CDC42BPA: variants seen among roughly 807,000 people sequenced by gnomAD.
The protein encoded by CDC42BPA is CDC42 binding protein kinase alpha.
Under a neutral mutation model 223.5 loss-of-function variants are expected in CDC42BPA, and 80 were observed. The ratio of observed to expected loss-of-function variants is 0.36; its 90% CI spans 0.30 to 0.43. The LOEUF (loss-of-function observed/expected upper bound fraction) is 0.43. Ranked by LOEUF, CDC42BPA falls within the 20% of genes least tolerant of loss-of-function variation. The pLI, the probability that CDC42BPA is intolerant of heterozygous loss-of-function variation, is 1.00. For missense variants in CDC42BPA, 1,743 were observed against 2,099.9 expected, an observed-to-expected ratio of 0.83 and a Z score of 3.32; for synonymous variants, 694 against 718.6, an observed-to-expected ratio of 0.97 and a Z score of 0.55.
At chr1:227,273,995 C>CAAA (rs10599884) in intron 1 of CDC42BPA, among the ~76,000 whole-genome samples, 1,995 of 56,996 alleles carry the variant, frequency 0.035, 225 homozygotes, top group Non-Finnish European at 0.051. Flanking sequence ...TCGTATACAC[C>CAAA]AAAAAAAAAA....
intron 32 of CDC42BPA, among the ~76,000 whole-genome samples, chr1:227,022,523 C>T (rs922254236): frequency 1.3e-5 from 2 of 152,134 alleles, no homozygotes; most frequent in Admixed American, 6.5e-5. Flanking sequence ...TTTACAAATA[C>T]TTCTATTATA....
At chr1:227,264,418 T>A (rs1424653598) in intron 1 of CDC42BPA, among the ~76,000 whole-genome samples, 2 of 151,354 alleles carry the variant, frequency 1.3e-5, no homozygotes, top group Non-Finnish European at 1.5e-5. Flanking sequence ...AGAAAAAGAT[T>A]CCAGGATCAG....
intron 21 of CDC42BPA, among the ~76,000 whole-genome samples, chr1:227,061,622 G>C (rs1261863744): frequency 6.6e-6 from 1 of 152,066 alleles, no homozygotes; most frequent in Non-Finnish European, 1.5e-5. Flanking sequence ...AGTATTTCTG[G>C]TTTGTCCTAT....
At chr1:227,280,760 T>C (rs1016509559) in intron 1 of CDC42BPA, among the ~76,000 whole-genome samples, 3 of 152,222 alleles carry the variant, frequency 2.0e-5, no homozygotes, top group African/African-American at 4.8e-5. Context: ...GATAAAAACT[T>C]ACAAATGGAC....
chr1:227,191,341 G>A (rs181287365), intron 5 of CDC42BPA, among the ~76,000 whole-genome samples: 1 of 47,398 alleles, frequency 2.1e-5, no homozygotes, highest in Admixed American at 1.6e-4. Flanking sequence ...GCAAAACTCT[G>A]TCTCAAAAAA....
chr1:227,215,209 G>C (rs11801282), intron 2 of CDC42BPA, among the ~76,000 whole-genome samples: 8,211 of 152,196 alleles, frequency 0.054, 244 homozygotes, highest in Non-Finnish European at 0.072. Context: ...CTGTGCAGTA[G>C]GAATAATGAT....
chr1:227,121,597 G>A (rs1688671725), intron 11 of CDC42BPA, among the ~76,000 whole-genome samples: 1 of 152,146 alleles, frequency 6.6e-6, no homozygotes, highest in Non-Finnish European at 1.5e-5. Flanking sequence ...GAATGCTTAT[G>A]TGAAGAAAAC....
chr1:227,159,790 T>C (rs1310322268), intron 6 of CDC42BPA, among the ~76,000 whole-genome samples: 1 of 151,962 alleles, frequency 6.6e-6, no homozygotes, highest in Non-Finnish European at 1.5e-5. Flanking sequence ...CCTCCCAAAG[T>C]GTTGGGATTA....
Position 227,194,019 on chromosome 1 carries a change from G to A in CDC42BPA, c.451-85C>T. On this transcript the variant is annotated intron_variant, in intron 4 of 36. Transcript: ENST00000366766. ...CTGTATCCCAAGGTCAACAGGACTG[G>A]GTCAAATATTTATGCAGTTAATTAC... is the stretch of plus-strand genomic sequence containing the variant. The A allele has an allele frequency of 3.6e-6, 3 of 837,738 alleles. 1 individual carries two copies. The South Asian group carries it at 6.9e-5, about 19-fold the overall frequency. 51.9% of individuals were successfully genotyped at this position (837,738 alleles called of 1,614,324 possible). A position where few individuals can be genotyped will look rare whatever the true frequency, so the allele number is the denominator to read the frequency against.
At chr1:227,252,757 T>TCAA (rs35965521) in intron 2 of CDC42BPA, among the ~76,000 whole-genome samples, 23,915 of 152,000 alleles carry the variant, frequency 0.16, 2,156 homozygotes, top group East Asian at 0.37. Flanking sequence ...ACAGCATAAT[T>TCAA]CAACACATTA....
chr1:227,253,267 A>AGAGCGAGAGAGC (rs1553418887), intron 2 of CDC42BPA, among the ~76,000 whole-genome samples: 2 of 148,056 alleles, frequency 1.4e-5, no homozygotes, highest in African/African-American at 5.1e-5. Flanking sequence ...AGCGAGAGAG[A>AGAGCGAGAGAGC]GCGCGCGCGC....
intron 2 of CDC42BPA, among the ~76,000 whole-genome samples, chr1:227,214,610 A>G (rs1400864121): frequency 6.6e-6 from 1 of 152,192 alleles, no homozygotes; most frequent in Non-Finnish European, 1.5e-5. Context: ...GAGGGACAGG[A>G]GCACTAAGCT....
intron 32 of CDC42BPA, among the ~76,000 whole-genome samples, chr1:227,022,736 T>C (rs562336826): frequency 6.6e-6 from 1 of 152,296 alleles, no homozygotes; most frequent in East Asian, 1.9e-4. Context: ...ACTGACCAAA[T>C]ATCCTCCCCT....
At chr1:227,167,357 A>G (rs530080566) in intron 5 of CDC42BPA, among the ~76,000 whole-genome samples, 1 of 152,146 alleles carries the variant, frequency 6.6e-6, no homozygotes, top group African/African-American at 2.4e-5. Context: ...TGCAGAAAAT[A>G]CTCTTTAAGA....
chr1:227,118,261 C>CT lies in CDC42BPA; in HGVS notation c.1647+1542dup, dbSNP rs1688082974. ...GCAAAGGACCTCAGTGGACATTTCT[C>CT]TAAGACGACATACAAATGGCCAATA... On this transcript the variant is annotated intron_variant, in intron 12 of 36. Coordinates refer to ENST00000366766, the MANE Select transcript of CDC42BPA (RefSeq NM_001394014.1). Among the ~76,000 whole-genome samples the CT allele has an allele frequency of 3.9e-5, 6 of 152,144 alleles. 1 individual carries two copies. The South Asian group carries it at 1.2e-3, about 32-fold the overall frequency.
chr1:227,294,859 C>CA (rs397983087), intron 1 of CDC42BPA, among the ~76,000 whole-genome samples: 4,081 of 12,772 alleles, frequency 0.32, 1,753 homozygotes, highest in African/African-American at 0.47. Flanking sequence ...GACTCCGTCT[C>CA]AAAAAAAAAA....
At chr1:227,220,340 A>G (rs1675671052) in intron 2 of CDC42BPA, among the ~76,000 whole-genome samples, 1 of 146,864 alleles carries the variant, frequency 6.8e-6, no homozygotes, top group South Asian at 2.1e-4. Context: ...ACATATATGG[A>G]TATATATAAA....
chr1:227,288,998 AAATAAT>A (rs147917920), intron 1 of CDC42BPA, among the ~76,000 whole-genome samples: 6 of 151,936 alleles, frequency 3.9e-5, no homozygotes, highest in East Asian at 1.9e-4. Flanking sequence ...CTTGTTTCAA[AAATAAT>A]AATAATAATA....
chr1:227,027,183 C>T (rs965429791), intron 30 of CDC42BPA, among the ~76,000 whole-genome samples: 4 of 152,112 alleles, frequency 2.6e-5, no homozygotes, highest in African/African-American at 9.7e-5. Context: ...AAAACAACAA[C>T]AATAACAACA....
Sources: allele counts gnomAD v4.1 joint callset (sites outside exome capture counted in the v4.1 genomes callset), GRCh38; gene constraint gnomAD v4.1.1; transcripts MANE v1.5; gene names NCBI Gene and HGNC (gene_info 2026-07-23, HGNC 2026-07-21).